TBCD: variants seen among roughly 807,000 people sequenced by gnomAD.
TBCD encodes the protein tubulin folding cofactor D, also known as tubulin-specific chaperone D.
A neutral mutation model predicts 169.3 loss-of-function variants in TBCD; 105 were observed. That is an observed-to-expected ratio of 0.62 (90% CI 0.53 to 0.73). The LOEUF (loss-of-function observed/expected upper bound fraction) is 0.73. TBCD is among the 30% of genes least tolerant of loss of function. The pLI is 0.00. For missense variants in TBCD, 1,444 were observed against 1,600.1 expected, an observed-to-expected ratio of 0.90 and a Z score of 1.66; for synonymous variants, 700 against 643.9, an observed-to-expected ratio of 1.09 and a Z score of -1.32.
chr17:82,942,425 G>C (rs1441845302), intron 38 of TBCD, 24 bp from the exon 39 acceptor site: 12 of 1,613,848 alleles, frequency 7.4e-6, no homozygotes, highest in Non-Finnish European at 1.0e-5. Flanking sequence ...TGACCAGCCT[G>C]AGCTTGTCTT....
rs966341127 is a variant in TBCD, at chr17:82,789,160, A to G, written c.771+7439A>G. Among the ~76,000 whole-genome samples, 1 of 152,086 alleles carries G rather than the reference A, an allele frequency of 6.6e-6. No homozygotes were observed. The highest frequency in any genetic ancestry group is 2.4e-5 in the African/African-American group (1 of 41,406). On this transcript the variant is annotated intron_variant, in intron 7 of 38. Transcript: ENST00000355528. The surrounding 1 kb of genome is among the most constrained non-coding windows in gnomAD (Gnocchi z 4.8). ...TCATGCTCCTGTAGCATTTGGGTGA[A>G]ACGAGGTACCCCAGGCCACGCTGGT...
Position 82,927,033 on chromosome 17 carries a change from T to C in TBCD, c.2472-153T>C. The C allele has an allele frequency of 3.8e-6, 4 of 1,047,032 alleles. No individual in the cohort carries two copies. In the South Asian group the frequency reaches 6.6e-5, roughly 17 times the overall value. The allele number at this position is 1,047,032 out of a possible 1,614,324, so 64.9% of individuals were successfully genotyped here. A position where few individuals can be genotyped will look rare whatever the true frequency, so the allele number is the denominator to read the frequency against. On this transcript the variant is annotated intron_variant, in intron 28 of 38. Coordinates refer to ENST00000355528, the MANE Select transcript of TBCD (RefSeq NM_005993.5). ...GGAAGCACGTCCCACGTTCCATACATGTGGAAGGAGCTCTGTGTTTCTGAT... is the reference window on the plus strand; with the variant it reads ...GGAAGCACGTCCCACGTTCCATACACGTGGAAGGAGCTCTGTGTTTCTGAT...
intron 13 of TBCD, among the ~76,000 whole-genome samples, chr17:82,838,019 A>G (rs1168717158): frequency 6.6e-6 from 1 of 152,218 alleles, no homozygotes; most frequent in East Asian, 1.9e-4. Context: ...TAAATATTTT[A>G]AATGTTGTGT....
chr17:82,914,634 G>A (rs1253016218), intron 23 of TBCD, among the ~76,000 whole-genome samples: 3 of 152,178 alleles, frequency 2.0e-5, no homozygotes, highest in Non-Finnish European at 4.4e-5. Flanking sequence ...CCTCCCTGGG[G>A]GCCCCTTGGC....
chr17:82,938,978 ATTGC>A (rs747910831), intron 36 of TBCD: 32 of 332,862 alleles, frequency 9.6e-5, no homozygotes, highest in Non-Finnish European at 1.6e-4. Context: ...AGCAGGCGAG[ATTGC>A]TTCTCTGGTG....
At chr17:82,937,095 C>T in intron 34 of TBCD, 176 bp from the exon 35 acceptor site, 1 of 606,616 alleles carries the variant, frequency 1.6e-6, no homozygotes. Flanking sequence ...CCAGGCCGGC[C>T]TGTGGAGGTA....
chr17:82,845,836 G>A (rs1567877916), intron 13 of TBCD, among the ~76,000 whole-genome samples: 1 of 152,234 alleles, frequency 6.6e-6, no homozygotes, highest in African/African-American at 2.4e-5. Flanking sequence ...TGAAGGAAGG[G>A]CGTCACATCT....
intron 13 of TBCD, among the ~76,000 whole-genome samples, chr17:82,840,968 T>TTTTC (rs1309497255): frequency 1.4e-5 from 2 of 138,648 alleles, no homozygotes; most frequent in Non-Finnish European, 3.1e-5. Flanking sequence ...TTTTTTTTTT[T>TTTTC]TTTTTTTTTT....
chr17:82,862,946 G>A (rs2145839456), intron 13 of TBCD, among the ~76,000 whole-genome samples: 1 of 152,346 alleles, frequency 6.6e-6, no homozygotes, highest in South Asian at 2.1e-4. Context: ...TGGGATATCT[G>A]GTGACGGCTG....
In TBCD at chr17:82,930,535, C is replaced by G. The variant is rs1417229963; in HGVS notation, c.3005C>G (p.Thr1002Ser). 1 of 1,613,438 alleles carries G rather than the reference C, an allele frequency of 6.2e-7. No homozygotes were observed. The highest frequency in any genetic ancestry group is 8.5e-7 in the Non-Finnish European group (1 of 1,179,766). The change falls in exon 33 of 39, where the codon ACC becomes AGC. Residue 1002 changes from threonine (T) to serine (S), a missense_variant. By Grantham distance (58) the Thr-to-Ser change is moderately conservative. Transcript: ENST00000355528. The surrounding 1 kb of genome is among the most constrained non-coding windows in gnomAD (Gnocchi z 5.2). ...GLTESTIRHS[T>S]QSLFEYMKGI... is the part of the protein sequence containing the mutation. ...TCCGTGTTGCAGATCCGGCACTCCA[C>G]CCAGAGCCTCTTTGAGTACATGAAG... is the stretch of plus-strand genomic sequence containing the variant.
At chr17:82,856,913 C>T (rs1017508275) in intron 13 of TBCD, among the ~76,000 whole-genome samples, 1 of 143,242 alleles carries the variant, frequency 7.0e-6, no homozygotes, top group Non-Finnish European at 1.5e-5. Flanking sequence ...CGCTGGACCG[C>T]GTGCGGACCC....
At chr17:82,783,573 G>C (rs1239619058) in intron 7 of TBCD, among the ~76,000 whole-genome samples, 1 of 152,186 alleles carries the variant, frequency 6.6e-6, no homozygotes, top group Non-Finnish European at 1.5e-5. Context: ...CTTGCTGGTT[G>C]CGGACATCTC....
chr17:82,900,633 C>A lies in TBCD; in HGVS notation c.1650-18C>A. The A allele has an allele frequency of 6.2e-7, 1 of 1,610,558 alleles. No individual in the cohort carries two copies. The highest frequency in any genetic ancestry group is 8.5e-7 in the Non-Finnish European group (1 of 1,176,834). On this transcript the variant is annotated intron_variant, in intron 17 of 38. Coordinates refer to ENST00000355528, the MANE Select transcript of TBCD (RefSeq NM_005993.5). ...CGTTCTTCCGCGTCTCACCACCTCT[C>A]CATGCTGTCTTTTCCAGTGTGTTTA...
rs1448501244 is a variant in TBCD at position 82,890,308 on chromosome 17, G to A, written c.1563+611G>A. ...AGAGTGGGACAGAGGCCGGAGAGGG[G>A]ACCGGGGTCTGGGCTGGACCTGGGC... On this transcript the variant is annotated intron_variant, in intron 16 of 38. Transcript: ENST00000355528. This position sits in a 1 kb window ranked among gnomAD's most constrained non-coding sequence, Gnocchi z 5.3. Among the ~76,000 whole-genome samples, 1 of 152,208 alleles carries A rather than the reference G, an allele frequency of 6.6e-6. No homozygotes were observed. Among genetic ancestry groups the A allele is most frequent in the Non-Finnish European group, 1.5e-5 (1 of 68,036 alleles).
intron 6 of TBCD, among the ~76,000 whole-genome samples, chr17:82,777,583 CAGAGAG>C (rs369453919): frequency 1.4e-5 from 2 of 144,210 alleles, no homozygotes; most frequent in African/African-American, 2.6e-5. Context: ...GCAGCCGAGG[CAGAGAG>C]AGAGAGAGGA....
At chr17:82,817,297 CT>C (rs1263017278) in intron 13 of TBCD, among the ~76,000 whole-genome samples, 1 of 151,552 alleles carries the variant, frequency 6.6e-6, no homozygotes, top group Non-Finnish European at 1.5e-5. Context: ...TGCCTGGCAA[CT>C]TTTTTTTCTT....
chr17:82,847,909 C>T (rs899738856), intron 13 of TBCD, among the ~76,000 whole-genome samples: 3 of 152,206 alleles, frequency 2.0e-5, no homozygotes, highest in African/African-American at 4.8e-5. Context: ...GGATTACAGG[C>T]GTGAGCCACC....
chr17:82,832,532 A>G lies in TBCD; in HGVS notation c.1318+17598A>G, dbSNP rs920885170. The stretch of plus-strand genomic sequence containing the variant: ...ACGCCGCGTGCACTTCGTGGTTTCT[A>G]AAGAGGCACCTCCCGCTTTGCTTTC... On this transcript the variant is annotated intron_variant, in intron 13 of 38. Coordinates refer to ENST00000355528, the MANE Select transcript of TBCD (RefSeq NM_005993.5). The surrounding 1 kb of genome is among the most constrained non-coding windows in gnomAD (Gnocchi z 4.9). 7 of 1,293,996 alleles carry G rather than the reference A, an allele frequency of 5.4e-6. No homozygotes were observed. The highest frequency in any genetic ancestry group is 2.9e-5 in the African/African-American group (2 of 68,910). 80.2% of individuals were successfully genotyped at this position (1,293,996 alleles called of 1,614,324 possible). A position where few individuals can be genotyped will look rare whatever the true frequency, so the allele number is the denominator to read the frequency against.
chr17:82,815,113 C>A (rs564115271), intron 13 of TBCD, among the ~76,000 whole-genome samples, 179 bp downstream of exon 13: 7 of 152,300 alleles, frequency 4.6e-5, no homozygotes, highest in African/African-American at 1.7e-4. Flanking sequence ...GCGGTGTGGC[C>A]CTGCCGCGGG....
Sources: gnomAD v4.1 joint callset for allele counts (sites outside exome capture counted in the v4.1 genomes callset) on GRCh38, gnomAD v4.1.1 for gene constraint, Gnocchi (gnomAD v3.1) non-coding constraint, MANE v1.5 for transcripts, NCBI Gene and HGNC (gene_info 2026-07-23, HGNC 2026-07-21) for gene names.